The following CADPS variants were observed in gnomAD, a reference collection of about 807,000 sequenced individuals.
CADPS encodes the protein calcium-dependent secretion activator 1.
Under a neutral mutation model 167.3 loss-of-function variants are expected in CADPS, and 57 were observed. The observed-to-expected ratio is 0.34, with a 90% confidence interval of 0.28 to 0.42. The LOEUF is 0.42. CADPS is among the 20% of genes least tolerant of loss of function. CADPS has a pLI of 1.00. For missense variants in CADPS, 1,414 were observed against 1,738.1 expected, an observed-to-expected ratio of 0.81 and a Z score of 3.32; for synonymous variants, 676 against 635.3, an observed-to-expected ratio of 1.06 and a Z score of -0.96.
intron 3 of CADPS, among the ~76,000 whole-genome samples, chr3:62,701,781 C>T (rs1187239596): frequency 6.6e-6 from 1 of 151,950 alleles, no homozygotes; most frequent in African/African-American, 2.4e-5. Flanking sequence ...GCCTTCTATT[C>T]CCTGGAAGAG....
At chr3:62,690,568 T>G (rs2078917987) in intron 3 of CADPS, among the ~76,000 whole-genome samples, 2 of 151,672 alleles carry the variant, frequency 1.3e-5, no homozygotes, top group Admixed American at 1.3e-4. Context: ...GAACCCGGAC[T>G]GTCCCTGTGT....
intron 6 of CADPS, among the ~76,000 whole-genome samples, chr3:62,609,794 A>C: frequency 6.6e-6 from 1 of 152,266 alleles, no homozygotes; most frequent in East Asian, 1.9e-4. Flanking sequence ...GCCCTTTAAA[A>C]ACCCAAGTAG....
At chr3:62,649,845 C>T (rs1319519480) in intron 5 of CADPS, among the ~76,000 whole-genome samples, 1 of 152,034 alleles carries the variant, frequency 6.6e-6, no homozygotes, top group Non-Finnish European at 1.5e-5. Flanking sequence ...AGCCGCCATG[C>T]CAAGCCTGGC....
intron 8 of CADPS, among the ~76,000 whole-genome samples, chr3:62,582,821 G>C (rs940001083): frequency 1.3e-5 from 2 of 152,292 alleles, no homozygotes; most frequent in Non-Finnish European, 1.5e-5. Context: ...GTAGGGTCAA[G>C]GTAGCCTGAA....
chr3:62,719,838 T>C (rs1037177551), intron 3 of CADPS, among the ~76,000 whole-genome samples: 1 of 152,196 alleles, frequency 6.6e-6, no homozygotes, highest in Non-Finnish European at 1.5e-5. Flanking sequence ...ACTTTTAACC[T>C]TGGGATTTGG....
At chr3:62,709,974 G>T (rs1158188411) in intron 3 of CADPS, among the ~76,000 whole-genome samples, 1 of 151,336 alleles carries the variant, frequency 6.6e-6, no homozygotes, top group East Asian at 1.9e-4. Context: ...GTTTCACCAT[G>T]TTGGCCAGAC....
Position 62,698,731 on chromosome 3 carries a change from C to CTT in CADPS, c.889-36339_889-36338dup, listed in dbSNP as rs201324385. ...TCTCCTTTCCTTTCCTCCCCACTTC[C>CTT]TTTTTTTTTTTTTTTTTTTTTTTTT... On this transcript the variant is annotated intron_variant, in intron 3 of 29. Transcript: ENST00000383710. Among the ~76,000 whole-genome samples, 89 of 67,234 alleles carry CTT rather than the reference C, an allele frequency of 1.3e-3. 10 individuals are homozygous for CTT. Among genetic ancestry groups the CTT allele is most frequent in the Non-Finnish European group, 1.4e-3 (53 of 37,538 alleles). 44.1% of individuals were successfully genotyped at this position (67,234 alleles called of 152,430 possible).
intron 28 of CADPS, among the ~76,000 whole-genome samples, chr3:62,431,859 A>ATT (rs1379770965): frequency 1.3e-5 from 2 of 151,126 alleles, no homozygotes; most frequent in South Asian, 2.1e-4. Flanking sequence ...AAAAGAGTAC[A>ATT]TTATATATAT....
At chr3:62,740,375 T>G (rs1356131911) in intron 3 of CADPS, among the ~76,000 whole-genome samples, 2 of 152,226 alleles carry the variant, frequency 1.3e-5, no homozygotes, top group Admixed American at 6.5e-5. Context: ...GTTAAGGGGT[T>G]GAGAAGCTCA....
chr3:62,556,375 C>T (rs1389711887), intron 10 of CADPS, among the ~76,000 whole-genome samples: 2 of 152,214 alleles, frequency 1.3e-5, no homozygotes, highest in African/African-American at 2.4e-5. Flanking sequence ...GCTAATTTTA[C>T]TAAGTGGGCT....
chr3:62,837,157 A>G (rs1577096956), intron 1 of CADPS, among the ~76,000 whole-genome samples: 3 of 152,308 alleles, frequency 2.0e-5, no homozygotes, highest in Admixed American at 2.0e-4. Flanking sequence ...ATTAACATAC[A>G]CTTAATCCTT....
intron 5 of CADPS, among the ~76,000 whole-genome samples, chr3:62,649,541 G>GTTTTTTTT (rs1212818484): frequency 1.7e-4 from 13 of 74,996 alleles, no homozygotes; most frequent in African/African-American, 5.8e-4. Context: ...ACAATATGTG[G>GTTTTTTTT]TCTTTTTTTT....
At chr3:62,802,912 A>G (rs1049028983) in intron 1 of CADPS, among the ~76,000 whole-genome samples, 1 of 152,142 alleles carries the variant, frequency 6.6e-6, no homozygotes, top group Non-Finnish European at 1.5e-5. Flanking sequence ...CAAATAGGTC[A>G]TTTCCAGCAA....
intron 28 of CADPS, among the ~76,000 whole-genome samples, chr3:62,416,089 C>G (rs1013055733): frequency 3.9e-5 from 6 of 152,090 alleles, no homozygotes; most frequent in African/African-American, 1.4e-4. Flanking sequence ...TATTTAATGT[C>G]AGAAATACCC....
chr3:62,767,902 A>T (rs1384627286), intron 1 of CADPS, among the ~76,000 whole-genome samples: 3 of 152,234 alleles, frequency 2.0e-5, no homozygotes, highest in Non-Finnish European at 4.4e-5. Context: ...TTAATGAGAC[A>T]GTTTACGTTT....
At chr3:62,813,645 A>G (rs1264346594) in intron 1 of CADPS, among the ~76,000 whole-genome samples, 1 of 152,208 alleles carries the variant, frequency 6.6e-6, no homozygotes, top group African/African-American at 2.4e-5. Flanking sequence ...GCTTCTGCAT[A>G]GCAAAGAAAA....
At chr3:62,518,104 C>T in intron 14 of CADPS, 45 bp downstream of exon 14, 1 of 1,327,460 alleles carries the variant, frequency 7.5e-7, no homozygotes, top group Non-Finnish European at 1.1e-6. Flanking sequence ...TTTTCCCTTC[C>T]CACTCTCATC....
intron 6 of CADPS, among the ~76,000 whole-genome samples, chr3:62,635,659 T>C (rs1326526494): frequency 1.3e-5 from 2 of 151,686 alleles, no homozygotes; most frequent in Non-Finnish European, 2.9e-5. Flanking sequence ...TTTTTTTTTT[T>C]TTTTCCCCTC....
chr3:62,682,792 G>GT (rs1208339943), intron 3 of CADPS, among the ~76,000 whole-genome samples: 3 of 151,956 alleles, frequency 2.0e-5, no homozygotes, highest in Non-Finnish European at 2.9e-5. Context: ...TAAAGAAACT[G>GT]TTTTTTCCTC....
Sources: gnomAD v4.1 joint callset for allele counts (sites outside exome capture counted in the v4.1 genomes callset) on GRCh38, gnomAD v4.1.1 for gene constraint, MANE v1.5 for transcripts, NCBI Gene and HGNC (gene_info 2026-07-23, HGNC 2026-07-21) for gene names.